TMEM232: variants seen among roughly 807,000 people sequenced by gnomAD.
TMEM232 encodes transmembrane protein 232.
Under a neutral mutation model 78.8 loss-of-function variants are expected in TMEM232, and 80 were observed. The observed-to-expected ratio is 1.01, with a 90% CI of 0.85 to 1.22. The LOEUF (loss-of-function observed/expected upper bound fraction) is 1.22, where lower values mean the gene tolerates loss of function less well. Ranked by LOEUF, TMEM232 falls within the 50% of genes most tolerant of loss-of-function variation. TMEM232 has a pLI of 0.00. For missense variants in TMEM232, 881 were observed against 742.2 expected (o/e 1.19, Z -2.17); for synonymous variants, 297 against 254.3 (o/e 1.17, Z -1.60).
chr5:110,657,619 G>C (rs887816126), intron 2 of TMEM232, among the ~76,000 whole-genome samples: 6 of 152,126 alleles, frequency 3.9e-5, no homozygotes, highest in Non-Finnish European at 7.4e-5. Context: ...AGGGAACTGG[G>C]AGAGGTTGGT....
At chr5:110,648,053 T>A (rs564628833) in intron 2 of TMEM232, among the ~76,000 whole-genome samples, 2 of 152,136 alleles carry the variant, frequency 1.3e-5, no homozygotes, top group East Asian at 3.9e-4. Flanking sequence ...AGGACTCATA[T>A]ACAGAAGATA....
intron 12 of TMEM232, among the ~76,000 whole-genome samples, chr5:110,458,639 T>G (rs965679018): frequency 1.6e-4 from 24 of 152,206 alleles, no homozygotes; most frequent in African/African-American, 5.8e-4. Flanking sequence ...CTACCTGCTT[T>G]TAACCACTCA....
At chr5:110,406,394 G>T (rs759520940) in intron 2 of TMEM232, among the ~76,000 whole-genome samples, 32 of 151,642 alleles carry the variant, frequency 2.1e-4, no homozygotes, top group Non-Finnish European at 4.1e-4. Context: ...TGTGAATAGT[G>T]CTGCAATAAA....
intron 2 of TMEM232, among the ~76,000 whole-genome samples, chr5:110,658,283 A>C (rs1425833989): frequency 6.6e-6 from 1 of 152,092 alleles, no homozygotes; most frequent in African/African-American, 2.4e-5. Flanking sequence ...ATGATATGAA[A>C]CCAGAAATAC....
At chr5:110,615,361 A>C (rs1323432529) in intron 8 of TMEM232, among the ~76,000 whole-genome samples, 1 of 152,006 alleles carries the variant, frequency 6.6e-6, no homozygotes, top group Admixed American at 6.6e-5. Flanking sequence ...TTGCATTTTC[A>C]ACTTGTTATG....
chr5:110,409,086 C>G (rs1185010190), intron 2 of TMEM232, among the ~76,000 whole-genome samples: 1 of 152,164 alleles, frequency 6.6e-6, no homozygotes, highest in South Asian at 2.1e-4. Context: ...TACACAGCTT[C>G]ATCTATTTAT....
At chr5:110,477,071 C>T (rs1763332958) in intron 12 of TMEM232, among the ~76,000 whole-genome samples, 1 of 151,844 alleles carries the variant, frequency 6.6e-6, no homozygotes, top group South Asian at 2.1e-4. Context: ...CAAGGTTTTT[C>T]AAAACAAACC....
chr5:110,461,508 A>C (rs1203917299), intron 12 of TMEM232, among the ~76,000 whole-genome samples: 1 of 152,246 alleles, frequency 6.6e-6, no homozygotes, highest in Non-Finnish European at 1.5e-5. Flanking sequence ...TAGAAACTGC[A>C]GCAAGTTATC....
intron 11 of TMEM232, among the ~76,000 whole-genome samples, chr5:110,561,729 C>T (rs900595556): frequency 1.3e-5 from 2 of 151,986 alleles, no homozygotes; most frequent in African/African-American, 4.8e-5. Context: ...CTGGTCTGAG[C>T]TGAGTTTATT....
intron 12 of TMEM232, among the ~76,000 whole-genome samples, chr5:110,489,861 C>T (rs1764841294): frequency 6.6e-6 from 1 of 152,136 alleles, no homozygotes; most frequent in South Asian, 2.1e-4. Context: ...TTCTGTGGCT[C>T]ATGCCTGTAA....
At chr5:110,707,866 G>A (rs908930747) in intron 1 of TMEM232, among the ~76,000 whole-genome samples, 1 of 152,156 alleles carries the variant, frequency 6.6e-6, no homozygotes, top group South Asian at 2.1e-4. Context: ...TGAGGCTCCT[G>A]TTCCAGACCC....
chr5:110,720,740 T>C (rs542833589), intron 1 of TMEM232: 2 of 152,138 alleles, frequency 1.3e-5, no homozygotes, highest in African/African-American at 2.4e-5. Flanking sequence ...TCAGATAAAA[T>C]CATACGCTTT....
Position 110,568,580 on chromosome 5 carries a change from A to G in TMEM232, c.1322T>C (p.Leu441Pro). 1 of 1,549,564 alleles carries G rather than the reference A, an allele frequency of 6.5e-7. No individual in the cohort carries two copies. The change falls in exon 11 of 14, where the codon CTG becomes CCG. Residue 441 changes from leucine to proline, a missense_variant. Coordinates refer to ENST00000455884, the MANE Select transcript of TMEM232 (RefSeq NM_001039763.4). ...WTGYYGLVYN[L>P]VKISWELQGD... ...TTGAAGTTCCCATGAAATTTTCACCAGGTTATACACTAAGCCATAGTAACC... is the reference window on the plus strand; with the variant it reads ...TTGAAGTTCCCATGAAATTTTCACCGGGTTATACACTAAGCCATAGTAACC...
chr5:110,453,335 C>T (rs1407645400), intron 12 of TMEM232, among the ~76,000 whole-genome samples: 4 of 152,008 alleles, frequency 2.6e-5, no homozygotes, highest in Non-Finnish European at 5.9e-5. Flanking sequence ...TGGAGTCTCA[C>T]TCCATCGCCA....
chr5:110,398,600 T>A (rs1012816243), intron 2 of TMEM232, among the ~76,000 whole-genome samples: 1 of 152,178 alleles, frequency 6.6e-6, no homozygotes, highest in African/African-American at 2.4e-5. Flanking sequence ...TTATGTGCTA[T>A]ATGCTCAATG....
chr5:110,467,352 G>A (rs1561531862), intron 12 of TMEM232, among the ~76,000 whole-genome samples: 1 of 152,180 alleles, frequency 6.6e-6, no homozygotes, highest in Admixed American at 6.5e-5. Context: ...GTAGAGAACA[G>A]AGAAATTAGG....
In TMEM232 at chr5:110,642,269, G is replaced by C; in HGVS notation, c.228C>G (p.Leu76=). 6.5e-7 allele frequency: 1 copy of C among 1,534,354 alleles called. No homozygotes were observed. Among genetic ancestry groups the C allele is most frequent in the Non-Finnish European group, 8.8e-7 (1 of 1,138,810 alleles). ...ELLELARKII[L]RCKRKLGLKT... ...AATGATATGCCATTACCTTACATCT[G>C]AGAATGATTTTTCTAGCTAGTTCCA... Residue 76 remains leucine (L), a synonymous_variant, in exon 3 of 14, where the codon CTC becomes CTG. Transcript: ENST00000455884.
chr5:110,581,369 T>C (rs1778193371), intron 10 of TMEM232, among the ~76,000 whole-genome samples: 1 of 151,866 alleles, frequency 6.6e-6, no homozygotes, highest in Non-Finnish European at 1.5e-5. Flanking sequence ...GCCACATACT[T>C]ACAACCATCT....
chr5:110,655,170 T>C (rs923489063), intron 2 of TMEM232, among the ~76,000 whole-genome samples: 7 of 152,004 alleles, frequency 4.6e-5, no homozygotes, highest in Non-Finnish European at 1.0e-4. Context: ...CAAAGGGCTA[T>C]TATCCAGAAT....
Sources: gnomAD v4.1 joint callset for allele counts (sites outside exome capture counted in the v4.1 genomes callset) on GRCh38, gnomAD v4.1.1 for gene constraint, MANE v1.5 for transcripts, NCBI Gene and HGNC (gene_info 2026-07-23, HGNC 2026-07-21) for gene names.